COL5A2: variants seen among roughly 807,000 people sequenced by gnomAD.
COL5A2 encodes the protein collagen type V alpha 2 chain.
In COL5A2, 23 loss-of-function variants were observed where a neutral mutation model predicts 208.2. The ratio of observed to expected loss-of-function variants is 0.11; its 90% CI spans 0.08 to 0.16. The LOEUF (loss-of-function observed/expected upper bound fraction) is 0.16. Among genes scored for constraint, COL5A2 ranks in the 10% least tolerant of loss-of-function variants. The pLI is 1.00. For synonymous variants in COL5A2, 625 were observed against 628.5 expected (o/e 0.99, Z 0.08); for missense variants, 1,590 against 1,956.4 (o/e 0.81, Z 3.53).
At chr2:189,225,317 C>G (rs1474894097), upstream of COL5A2, among the ~76,000 whole-genome samples, 1 of 152,102 alleles carries the variant, frequency 6.6e-6, no homozygotes, top group Non-Finnish European at 1.5e-5. Context: ...ACCTTTGATA[C>G]AACAGGAGTT....
the COL5A2 span, among the ~76,000 whole-genome samples, chr2:189,354,018 C>T: frequency 3.9e-5 from 6 of 152,072 alleles, no homozygotes; most frequent in African/African-American, 1.5e-4. Flanking sequence ...TTGTCAAAGG[C>T]CTTTTCTGCA....
chr2:189,335,974 A>G, the COL5A2 span, among the ~76,000 whole-genome samples: 1 of 152,182 alleles, frequency 6.6e-6, no homozygotes, highest in East Asian at 1.9e-4. Flanking sequence ...CAAGACACAG[A>G]CTGGGAGAAT....
chr2:189,281,877 G>A, the COL5A2 span, among the ~76,000 whole-genome samples: 380 of 152,190 alleles, frequency 2.5e-3, 12 homozygotes, highest in Admixed American at 0.024. Context: ...CCTACACTAC[G>A]AAACACATTA....
At chr2:189,069,974 G>T (rs1686235237) in intron 18 of COL5A2, among the ~76,000 whole-genome samples, 1 of 152,102 alleles carries the variant, frequency 6.6e-6, no homozygotes. Flanking sequence ...AGAATTAAAA[G>T]ATACTTTTTA....
In COL5A2 at chr2:189,057,385, G is replaced by C. The variant is rs753363765; in HGVS notation, c.2272C>G (p.Pro758Ala). Residue 758 changes from proline (P) to alanine (A), a missense_variant, in exon 34 of 54, where the codon CCA becomes GCA. Transcript: ENST00000374866. ...PSGTPGDTGP[P>A]GLQGMPGERG... is the part of the protein sequence containing the mutation. ...TCTCCCGGCATACCTTGAAGACCTG[G>C]TGGGCCTGTATCTCCAGGGGTCCCA... 5.0e-6 allele frequency: 8 copies of C among 1,613,482 alleles called. No individual in the cohort carries two copies. The South Asian group carries it at 7.7e-5, about 16-fold the overall frequency.
At chr2:189,251,384 A>G in the COL5A2 span, among the ~76,000 whole-genome samples, 3 of 152,310 alleles carry the variant, frequency 2.0e-5, no homozygotes, top group East Asian at 5.8e-4. Context: ...CTGTGTTCCT[A>G]GAACTGGTCA....
Position 189,179,609 on chromosome 2 carries a change from A to G in COL5A2, c.-5T>C, listed in dbSNP as rs1409506073. 12 of 1,600,316 alleles carry G rather than the reference A, an allele frequency of 7.5e-6. No homozygotes were observed. Among genetic ancestry groups the G allele is most frequent in the Non-Finnish European group, 1.0e-5 (12 of 1,171,476 alleles). On this transcript the variant is annotated 5_prime_UTR_variant, in exon 1 of 54. The change abolishes the stop of an existing upstream ORF in the 5' untranslated region. Coordinates refer to ENST00000374866, the MANE Select transcript of COL5A2 (RefSeq NM_000393.5). ...TTCCGCCCAGTTTGCCATCATGTCT[A>G]AATATTAGACATGTGGGTTCTCCTG... is the stretch of plus-strand genomic sequence containing the variant.
intron 1 of COL5A2, among the ~76,000 whole-genome samples, chr2:189,172,968 C>CTTTTT (rs11286911): frequency 3.4e-4 from 33 of 96,492 alleles, no homozygotes; most frequent in African/African-American, 8.0e-4. Context: ...TTTTCCTCTT[C>CTTTTT]TTTTTTTTTT....
At chr2:189,155,462 C>A (rs569503091) in intron 1 of COL5A2, among the ~76,000 whole-genome samples, 1 of 152,262 alleles carries the variant, frequency 6.6e-6, no homozygotes, top group African/African-American at 2.4e-5. Flanking sequence ...ACAGCACTGT[C>A]CAAGACAAGT....
At chr2:189,235,440 C>A in the COL5A2 span, among the ~76,000 whole-genome samples, 1 of 151,604 alleles carries the variant, frequency 6.6e-6, no homozygotes, top group East Asian at 1.9e-4. Context: ...CATGTTTCAC[C>A]CAAAGGATAG....
At chr2:189,112,258 CTAGTTTA>C (rs1687298406) in intron 1 of COL5A2, among the ~76,000 whole-genome samples, 2 of 152,098 alleles carry the variant, frequency 1.3e-5, no homozygotes, top group Admixed American at 1.3e-4. Context: ...CTACGGTAAA[CTAGTTTA>C]ATTGCACAGC....
intron 1 of COL5A2, among the ~76,000 whole-genome samples, chr2:189,147,640 T>C (rs1688065235): frequency 6.6e-6 from 1 of 152,034 alleles, no homozygotes; most frequent in African/African-American, 2.4e-5. Context: ...AAGAAACAAG[T>C]AAAGACCAAA....
At chr2:189,292,269 G>C in the COL5A2 span, among the ~76,000 whole-genome samples, 1 of 152,094 alleles carries the variant, frequency 6.6e-6, no homozygotes, top group African/African-American at 2.4e-5. Context: ...TAGGAAAATT[G>C]GCTCATGATT....
the COL5A2 span, among the ~76,000 whole-genome samples, chr2:189,252,166 A>C: frequency 2.0e-5 from 3 of 152,198 alleles, no homozygotes; most frequent in African/African-American, 7.2e-5. Flanking sequence ...TGTTGGTGGG[A>C]CTGTAAACTA....
chr2:189,372,804 A>G, the COL5A2 span, among the ~76,000 whole-genome samples: 1 of 152,310 alleles, frequency 6.6e-6, no homozygotes, highest in South Asian at 2.1e-4. Flanking sequence ...CATTTTTAAT[A>G]GTAGGTATAT....
At chr2:189,158,474 A>G (rs1411018177) in intron 1 of COL5A2, among the ~76,000 whole-genome samples, 1 of 152,098 alleles carries the variant, frequency 6.6e-6, no homozygotes, top group Non-Finnish European at 1.5e-5. Context: ...AGTACAATTT[A>G]AGTCAAATAT....
rs1044645634 is a variant in COL5A2, at chr2:189,065,528, G to GA, written c.1564-472dup. Among the ~76,000 whole-genome samples, 224 of 142,924 alleles carry GA rather than the reference G, an allele frequency of 1.6e-3. 1 individual carries two copies. The highest frequency in any genetic ancestry group is 0.014 in the Middle Eastern group (4 of 288). 93.8% of individuals were successfully genotyped at this position (142,924 alleles called of 152,430 possible). On this transcript the variant is annotated intron_variant, in intron 23 of 53. Transcript: ENST00000374866. ...TGGACAACACAGCAAGACTATGTCA[G>GA]AAAAAAAAAAGGAAGAAAGGAAGGA...
intron 1 of COL5A2, among the ~76,000 whole-genome samples, chr2:189,186,715 T>C (rs1405184307): frequency 2.6e-5 from 4 of 152,136 alleles, no homozygotes; most frequent in Admixed American, 2.6e-4. Flanking sequence ...AATTACAATA[T>C]TGGGAGACTC....
intron 51 of COL5A2, 62 bp downstream of exon 51, chr2:189,039,210 G>T: frequency 2.5e-6 from 4 of 1,573,418 alleles, no homozygotes; most frequent in Middle Eastern, 1.7e-4. Context: ...ATTTTGGAAT[G>T]CAGTTGAGAA....
Sources: gnomAD v4.1 joint callset for allele counts (sites outside exome capture counted in the v4.1 genomes callset) on GRCh38, gnomAD v4.1.1 for gene constraint, MANE v1.5 for transcripts, NCBI Gene and HGNC (gene_info 2026-07-23, HGNC 2026-07-21) for gene names.